Variants in SNTG1 observed in about 807,000 individuals in gnomAD.
The protein encoded by SNTG1 is gamma-1-syntrophin.
A neutral mutation model predicts 74.7 loss-of-function variants in SNTG1; 39 were observed. That is an observed-to-expected ratio of 0.52 (90% CI 0.40 to 0.68). The LOEUF (loss-of-function observed/expected upper bound fraction) is 0.68, where lower values mean the gene tolerates loss of function less well. SNTG1 is among the 30% of genes least tolerant of loss of function. SNTG1 has a pLI of 0.00. For synonymous variants in SNTG1, 254 were observed against 217.1 expected, an observed-to-expected ratio of 1.17 and a Z score of -1.49; for missense variants, 685 against 609.5, an observed-to-expected ratio of 1.12 and a Z score of -1.30.
At chr8:50,686,152 A>G (rs2095351677) in intron 15 of SNTG1, among the ~76,000 whole-genome samples, 1 of 152,162 alleles carries the variant, frequency 6.6e-6, no homozygotes, top group Non-Finnish European at 1.5e-5. Flanking sequence ...TACATCAATC[A>G]ATTCTTTTAA....
intron 1 of SNTG1, among the ~76,000 whole-genome samples, chr8:49,976,447 C>T (rs1390125571): frequency 6.6e-6 from 1 of 152,082 alleles, no homozygotes; most frequent in East Asian, 1.9e-4. Context: ...AGATAGTTCC[C>T]TAGTTTCATG....
chr8:50,026,831 A>AG (rs1411392556), intron 1 of SNTG1, among the ~76,000 whole-genome samples: 1 of 152,150 alleles, frequency 6.6e-6, no homozygotes, highest in Non-Finnish European at 1.5e-5. Flanking sequence ...TAAAACCTAT[A>AG]TTTTTTCACT....
At chr8:50,224,877 TG>T (rs1202228069) in intron 2 of SNTG1, among the ~76,000 whole-genome samples, 2 of 152,364 alleles carry the variant, frequency 1.3e-5, no homozygotes, top group East Asian at 3.9e-4. Context: ...CTGTCTCTTC[TG>T]GGGAAAATCT....
At chr8:50,347,902 G>A (rs1031087009) in intron 2 of SNTG1, among the ~76,000 whole-genome samples, 2 of 152,078 alleles carry the variant, frequency 1.3e-5, no homozygotes, top group Admixed American at 6.6e-5. Flanking sequence ...TTTCCCAGTG[G>A]GCCTGTTAAG....
chr8:50,497,386 T>G (rs2093913944), intron 8 of SNTG1, among the ~76,000 whole-genome samples: 1 of 152,140 alleles, frequency 6.6e-6, no homozygotes, highest in East Asian at 1.9e-4. Flanking sequence ...CTAGATATTA[T>G]CTATTGTACA....
chr8:50,496,752 T>C (rs752997250), intron 8 of SNTG1, among the ~76,000 whole-genome samples: 11 of 152,176 alleles, frequency 7.2e-5, no homozygotes, highest in South Asian at 2.1e-4. Context: ...TACTCATCTA[T>C]AGCAGTTTGA....
Position 50,487,696 on chromosome 8 carries a change from A to G in SNTG1, c.364-15082A>G, listed in dbSNP as rs868208860. On this transcript the variant is annotated intron_variant, in intron 8 of 18. Transcript: ENST00000642720. The stretch of plus-strand genomic sequence containing the variant: ...ACTCTGGGGACTGTTGTGGGGTCGG[A>G]GGGGGGGGAGGGATAGCACTGGGAG... Among the ~76,000 whole-genome samples, 882 of 140,216 alleles carry G rather than the reference A, an allele frequency of 6.3e-3. 2 individuals are homozygous for G. Among genetic ancestry groups the G allele is most frequent in the Admixed American group, 0.013 (180 of 13,850 alleles). The allele number at this position is 140,216 out of a possible 152,430, so 92.0% of individuals were successfully genotyped here.
intron 1 of SNTG1, among the ~76,000 whole-genome samples, chr8:50,010,860 C>T (rs1178277383): frequency 7.0e-6 from 1 of 143,822 alleles, no homozygotes. Context: ...TTTCAGATTC[C>T]TTTGTTTACT....
chr8:50,793,971 AT>A lies in SNTG1; in HGVS notation c.*1143del, dbSNP rs1360848560. ...TAGGTATTTTGTCCTAAGAATGTAA[AT>A]GTGAAAGGCTGGGAAATTTGAAAGC... On this transcript the variant is annotated 3_prime_UTR_variant, in exon 19 of 19. Transcript: ENST00000642720. 6.6e-6 allele frequency: 1 copy of A among 151,930 alleles called. No homozygotes were observed. Among genetic ancestry groups the A allele is most frequent in the East Asian group, 1.9e-4 (1 of 5,186 alleles). 9.4% of individuals were successfully genotyped at this position (151,930 alleles called of 1,614,324 possible).
At chr8:50,248,472 C>T (rs1324571988) in intron 2 of SNTG1, among the ~76,000 whole-genome samples, 2 of 152,062 alleles carry the variant, frequency 1.3e-5, no homozygotes, top group Admixed American at 6.5e-5. Flanking sequence ...TTTTTCTTTG[C>T]TTGACATCTT....
rs539628825 is a variant in SNTG1 at position 49,969,352 on chromosome 8, T to C, written c.-103+57121T>C. 2.0e-5 allele frequency among the ~76,000 whole-genome samples: 3 copies of C among 150,998 alleles called. No homozygotes were observed. The East Asian group carries it at 5.9e-4, about 30-fold the overall frequency. ...GGGAAGTTGTAGAATTTACAAAAATTCTCAAAAGCAAATACACATTTTAAT... is the reference window on the plus strand; with the variant it reads ...GGGAAGTTGTAGAATTTACAAAAATCCTCAAAAGCAAATACACATTTTAAT... On this transcript the variant is annotated intron_variant, in intron 1 of 18. Coordinates refer to ENST00000642720, the MANE Select transcript of SNTG1 (RefSeq NM_018967.5).
chr8:50,117,515 A>G (rs776578746), intron 1 of SNTG1, among the ~76,000 whole-genome samples: 3 of 152,180 alleles, frequency 2.0e-5, no homozygotes, highest in Admixed American at 6.5e-5. Flanking sequence ...GGAAATGCCA[A>G]TATTTCAGAT....
intron 8 of SNTG1, among the ~76,000 whole-genome samples, chr8:50,489,273 T>C (rs938228825): frequency 1.3e-5 from 2 of 152,230 alleles, no homozygotes; most frequent in African/African-American, 4.8e-5. Flanking sequence ...TGATTTCTAA[T>C]CCTTTGGTTA....
intron 2 of SNTG1, among the ~76,000 whole-genome samples, chr8:50,245,916 A>T (rs16914563): frequency 0.028 from 4,190 of 152,008 alleles, 182 homozygotes; most frequent in African/African-American, 0.091. Context: ...GATTATTAAG[A>T]ATTACATCAA....
intron 1 of SNTG1, among the ~76,000 whole-genome samples, chr8:49,944,177 A>G (rs558855007): frequency 7.2e-5 from 11 of 152,210 alleles, no homozygotes; most frequent in Non-Finnish European, 1.2e-4. Context: ...AAAGGTCCCA[A>G]TTCTAACACC....
At chr8:50,179,117 G>A (rs2083109137) in intron 2 of SNTG1, among the ~76,000 whole-genome samples, 1 of 152,118 alleles carries the variant, frequency 6.6e-6, no homozygotes, top group Non-Finnish European at 1.5e-5. Context: ...AGTTGACCAT[G>A]TATGCTTGGG....
At chr8:50,677,557 T>C (rs2095314078) in intron 15 of SNTG1, among the ~76,000 whole-genome samples, 1 of 152,060 alleles carries the variant, frequency 6.6e-6, no homozygotes, top group South Asian at 2.1e-4. Context: ...GGTTTTTCCA[T>C]AACCTTTCTA....
intron 4 of SNTG1, among the ~76,000 whole-genome samples, chr8:50,406,604 T>A (rs1057363937): frequency 6.6e-6 from 1 of 152,202 alleles, no homozygotes; most frequent in African/African-American, 2.4e-5. Context: ...GGCATTTTTT[T>A]TCTTATTCCA....
intron 12 of SNTG1, among the ~76,000 whole-genome samples, chr8:50,557,905 G>A (rs1357422067): frequency 3.9e-5 from 6 of 152,166 alleles, no homozygotes; most frequent in African/African-American, 1.4e-4. Context: ...TGTTCCACAC[G>A]TGCATTGCTT....
Sources: allele counts gnomAD v4.1 joint callset (sites outside exome capture counted in the v4.1 genomes callset), GRCh38; gene constraint gnomAD v4.1.1; transcripts MANE v1.5; gene names NCBI Gene and HGNC (gene_info 2026-07-23, HGNC 2026-07-21).